VPS52: variants seen among roughly 807,000 people sequenced by gnomAD.
VPS52 encodes vacuolar protein sorting-associated protein 52 homolog.
VPS52 carries 56 observed loss-of-function variants against 98.7 expected under a neutral mutation model. The ratio of observed to expected loss-of-function variants is 0.57; its 90% CI spans 0.46 to 0.71. The LOEUF is 0.71. Among genes scored for constraint, VPS52 ranks in the 30% least tolerant of loss-of-function variants. VPS52 has a pLI of 0.00. For missense variants in VPS52, 742 were observed against 925.9 expected, an observed-to-expected ratio of 0.80 and a Z score of 2.58; for synonymous variants, 348 against 346.4, an observed-to-expected ratio of 1.00 and a Z score of -0.05.
intron 19 of VPS52, 125 bp downstream of exon 19, chr6:33,251,393 A>T: frequency 1.4e-6 from 1 of 711,812 alleles, no homozygotes; most frequent in Non-Finnish European, 2.5e-6. Context: ...GGGCTCATAC[A>T]GAACTTTGGG....
Position 33,268,553 on chromosome 6 carries a change from T to G in VPS52, c.645A>C (p.Arg215Ser). The G allele has an allele frequency of 1.7e-5, 28 of 1,612,728 alleles. No individual in the cohort carries two copies. Among genetic ancestry groups the G allele is most frequent in the Non-Finnish European group, 2.4e-5 (28 of 1,179,962 alleles). The change falls in exon 7 of 20, where the codon AGA becomes AGC. Residue 215 changes from arginine (R) to serine (S), a missense_variant. Around this residue, in one of 2 missense-constraint regions of VPS52, gnomAD observed 590 missense variants for 793.3 expected, o/e 0.74. Coordinates refer to ENST00000445902, the MANE Select transcript of VPS52 (RefSeq NM_022553.6). The surrounding 1 kb of genome is among the most constrained non-coding windows in gnomAD (Gnocchi z 4.0). ...KAAAVREQEA[R>S]GTAACADVRG... ...TGACATCTGCGCAGGCTGCTGTGCC[T>G]CTAGCTTCCTGCTCTCTGACTGCGG... is the stretch of plus-strand genomic sequence containing the variant.
chr6:33,267,408 G>A lies in VPS52; in HGVS notation c.992-87C>T, dbSNP rs1306238467. 9.9e-6 allele frequency: 15 copies of A among 1,509,022 alleles called. No individual in the cohort carries two copies. The highest frequency in any genetic ancestry group is 1.4e-5 in the South Asian group (1 of 73,050). 93.5% of individuals were successfully genotyped at this position (1,509,022 alleles called of 1,614,324 possible). On this transcript the variant is annotated intron_variant, in intron 10 of 19. Transcript: ENST00000445902. The surrounding 1 kb of genome is among the most constrained non-coding windows in gnomAD (Gnocchi z 4.2). ...CTGTGGGGACCCCAGACAGGCAGACGTGGCCTAGCCAGCCCTCTTTCCCAG... is the reference window on the plus strand; with the variant it reads ...CTGTGGGGACCCCAGACAGGCAGACATGGCCTAGCCAGCCCTCTTTCCCAG...
intron 17 of VPS52, among the ~76,000 whole-genome samples, chr6:33,252,809 T>C (rs1485759945): frequency 6.6e-6 from 1 of 151,956 alleles, no homozygotes; most frequent in Non-Finnish European, 1.5e-5. Flanking sequence ...TAGTAGGAGA[T>C]ACAGAAATCT....
rs772170275 is a variant in VPS52, at chr6:33,251,688, C to CAG, written c.1907-53_1907-52insCT. On this transcript the variant is annotated intron_variant, in intron 18 of 19. Coordinates refer to ENST00000445902, the MANE Select transcript of VPS52 (RefSeq NM_022553.6). ...AGAGGGATCTGGCTGATCTTCAACT[C>CAG]CACTAAGTTCTCCCCAAGGTATAGC... The CAG allele has an allele frequency of 2.0e-6, 3 of 1,488,918 alleles. No individual in the cohort carries two copies. In the African/African-American group the frequency reaches 4.2e-5, roughly 21 times the overall value. 92.2% of individuals were successfully genotyped at this position (1,488,918 alleles called of 1,614,324 possible).
In VPS52 at chr6:33,267,097, G is replaced by C; in HGVS notation, c.1125+91C>G. 1 of 1,422,726 alleles carries C rather than the reference G, an allele frequency of 7.0e-7. No individual in the cohort carries two copies. 88.1% of individuals were successfully genotyped at this position (1,422,726 alleles called of 1,614,324 possible). On this transcript the variant is annotated intron_variant, in intron 11 of 19. Coordinates refer to ENST00000445902, the MANE Select transcript of VPS52 (RefSeq NM_022553.6). This position sits in a 1 kb window ranked among gnomAD's most constrained non-coding sequence, Gnocchi z 4.2. Reference sequence around the variant, plus strand: ...GTCTAAGGGGATTAAGACAGGGCCTGCAGGTTGGGAAGCTCTGCCCTGAGG... The same window carrying C: ...GTCTAAGGGGATTAAGACAGGGCCTCCAGGTTGGGAAGCTCTGCCCTGAGG...
At position 33,250,970 on chromosome 6, in the gene VPS52, C is replaced by T. The variant is rs768187078; in HGVS notation, c.2043G>A (p.Leu681=). Residue 681 remains leucine, a synonymous_variant, in exon 20 of 20, where the codon CTG becomes CTA. Coordinates refer to ENST00000445902, the MANE Select transcript of VPS52 (RefSeq NM_022553.6). ...TSIIQGALTQ[L]IQLYHRFHRV... is the part of the protein sequence containing the mutation. ...GGTGGAAGCGATGATAGAGCTGGAT[C>T]AGCTGGGTCAGCGCTCCCTGGTCAA... 1 of 1,613,056 alleles carries T rather than the reference C, an allele frequency of 6.2e-7. No homozygotes were observed. Among genetic ancestry groups the T allele is most frequent in the South Asian group, 1.1e-5 (1 of 91,086 alleles).
At chr6:33,256,155 C>T (rs905096294) in intron 17 of VPS52, among the ~76,000 whole-genome samples, 5 of 152,056 alleles carry the variant, frequency 3.3e-5, no homozygotes, top group African/African-American at 4.8e-5. Flanking sequence ...CTTACAGTGT[C>T]TTTGTGCTGA....
intron 17 of VPS52, among the ~76,000 whole-genome samples, chr6:33,259,932 C>G (rs951806876): frequency 6.6e-6 from 1 of 152,102 alleles, no homozygotes; most frequent in Non-Finnish European, 1.5e-5. Flanking sequence ...TTATTAGCAG[C>G]AAGACTACTG....
At position 33,264,102 on chromosome 6, in the gene VPS52, A is replaced by C. The variant is rs757356152; in HGVS notation, c.1526T>G (p.Ile509Ser). The C allele has an allele frequency of 9.3e-6, 15 of 1,613,924 alleles. No homozygotes were observed. In the Admixed American group the frequency reaches 1.3e-4, roughly 14 times the overall value. The change falls in exon 15 of 20, where the codon ATC (isoleucine) becomes AGC (serine). Residue 509 changes from isoleucine to serine, a missense_variant and splice_region_variant. Coordinates refer to ENST00000445902, the MANE Select transcript of VPS52 (RefSeq NM_022553.6). ...LGGLDTRPHYITRRYAEFSSA... is the reference protein window; with the variant it reads ...LGGLDTRPHYSTRRYAEFSSA... ...GGAGAACTCTGCATAGCGGCGTGTG[A>C]TCTAGGAGAGAGTGGGAAGGAAAAT... is the stretch of plus-strand genomic sequence containing the variant.
chr6:33,271,877 A>T, upstream of VPS52: 4 of 1,243,408 alleles, frequency 3.2e-6, no homozygotes, highest in Non-Finnish European at 4.3e-6. Context: ...AACACAAACT[A>T]GCCCCGGAAC....
At position 33,267,287 on chromosome 6, in the gene VPS52, G is replaced by T; in HGVS notation, c.1026C>A (p.Asn342Lys). 1 of 1,603,086 alleles carries T rather than the reference G, an allele frequency of 6.2e-7. No individual in the cohort carries two copies. Among genetic ancestry groups the T allele is most frequent in the Non-Finnish European group, 8.5e-7 (1 of 1,175,396 alleles). The change falls in exon 11 of 20, where the codon AAC becomes AAA. Residue 342 changes from asparagine to lysine, a missense_variant. By Grantham distance (94) the Asn-to-Lys change is moderately conservative. Transcript: ENST00000445902. This position sits in a 1 kb window ranked among gnomAD's most constrained non-coding sequence, Gnocchi z 4.2. ...FFSKPSLRSR[N>K]TIFTLGTRGS... ...CGCGGGTTCCTAGGGTGAAAATGGT[G>T]TTCCTGCTGCGGAGCGATGGCTTTG...
At position 33,269,973 on chromosome 6, in the gene VPS52, C is replaced by A. The variant is rs1463263686; in HGVS notation, c.228+26G>T. The A allele has an allele frequency of 3.7e-6, 6 of 1,613,904 alleles. No homozygotes were observed. The African/African-American group carries it at 6.7e-5, about 18-fold the overall frequency. The stretch of plus-strand genomic sequence containing the variant: ...TTTTGGGGTAGAATAGATAGAAGGG[C>A]AGATTAGTACAGGGGAAAGCCTCAC... On this transcript the variant is annotated intron_variant, in intron 3 of 19. Coordinates refer to ENST00000445902, the MANE Select transcript of VPS52 (RefSeq NM_022553.6).
chr6:33,251,019 C>G (rs559138852), intron 19 of VPS52, 32 bp from the exon 20 acceptor site: 3 of 1,612,598 alleles, frequency 1.9e-6, no homozygotes. Context: ...GGGATCAAAC[C>G]GTAAAATGGT....
chr6:33,259,102 G>T (rs1050279811), intron 17 of VPS52, among the ~76,000 whole-genome samples: 1 of 152,148 alleles, frequency 6.6e-6, no homozygotes, highest in Non-Finnish European at 1.5e-5. Flanking sequence ...ACTGTAAACA[G>T]TTGCAATGGC....
rs754248292 is a variant in VPS52 at position 33,267,934 on chromosome 6, A to G, written c.864T>C (p.Tyr288=). 1.9e-4 allele frequency: 308 copies of G among 1,612,972 alleles called. No individual in the cohort carries two copies. Among genetic ancestry groups the G allele is most frequent in the Non-Finnish European group, 2.5e-4 (295 of 1,180,036 alleles). ...RATAKEIRDE[Y]VETLSKIYLS... ...GGTAAATCTTGCTCAGCGTCTCCAC[A>G]TATTCATCCCTGATCTCCTTTGCTG... The change falls in exon 9 of 20, where the codon TAT becomes TAC. Residue 288 remains tyrosine, a synonymous_variant. Coordinates refer to ENST00000445902, the MANE Select transcript of VPS52 (RefSeq NM_022553.6). The surrounding 1 kb of genome is among the most constrained non-coding windows in gnomAD (Gnocchi z 4.2).
intron 13 of VPS52, 28 bp from the exon 14 acceptor site, chr6:33,264,525 A>T (rs762931641): frequency 2.5e-6 from 4 of 1,613,246 alleles, no homozygotes; most frequent in Non-Finnish European, 1.7e-6. Context: ...ATCAGAGGTC[A>T]GCCAGCAAGG....
rs764422562 is a variant in VPS52 at position 33,264,528 on chromosome 6, C to T, written c.1401-31G>A. On this transcript the variant is annotated intron_variant, in intron 13 of 19. Transcript: ENST00000445902. The stretch of plus-strand genomic sequence containing the variant: ...GGCTTAATCAGAATCAGAGGTCAGC[C>T]AGCAAGGAATGTTGGAGGGGGATGG... The T allele has an allele frequency of 3.7e-6, 6 of 1,612,830 alleles. No homozygotes were observed. In the South Asian group the frequency reaches 6.6e-5, roughly 18 times the overall value.
chr6:33,271,875 CT>C lies in VPS52; in HGVS notation c.-201del. On this transcript the variant is annotated 5_prime_UTR_variant, in exon 1 of 20. Transcript: ENST00000445902. ...GAAATATGGAAGTCTGAAACACAAA[CT>C]AGCCCCGGAACCTTCGCTGTTCTCT... 1 of 1,254,948 alleles carries C rather than the reference CT, an allele frequency of 8.0e-7. No individual in the cohort carries two copies. The highest frequency in any genetic ancestry group is 1.1e-6 in the Non-Finnish European group (1 of 931,802). The allele number at this position is 1,254,948 out of a possible 1,614,324, so 77.7% of individuals were successfully genotyped here. A position where few individuals can be genotyped will look rare whatever the true frequency, so the allele number is the denominator to read the frequency against.
chr6:33,271,545 A>AGCACC (rs1765083683), intron 1 of VPS52, 41 bp downstream of exon 1: 2 of 1,567,966 alleles, frequency 1.3e-6, no homozygotes, highest in East Asian at 4.8e-5. Context: ...TGAAGCTAGG[A>AGCACC]GCACCGGAAC....
Sources: gnomAD v4.1 joint callset for allele counts (sites outside exome capture counted in the v4.1 genomes callset) on GRCh38, gnomAD v4.1.1 for gene constraint, gnomAD v4.1.1 regional missense constraint, Gnocchi (gnomAD v3.1) non-coding constraint, MANE v1.5 for transcripts, NCBI Gene and HGNC (gene_info 2026-07-23, HGNC 2026-07-21) for gene names.